Variants in FCGR3B observed in about 807,000 individuals in gnomAD.
FCGR3B encodes the protein Fc gamma receptor IIIb, also known as low affinity immunoglobulin gamma Fc region receptor III-B.
A neutral mutation model predicts 26.7 loss-of-function variants in FCGR3B; 20 were observed. The observed-to-expected ratio is 0.75, with a 90% CI of 0.53 to 1.09. The LOEUF (loss-of-function observed/expected upper bound fraction) is 1.09, where lower values mean the gene tolerates loss of function less well. Among genes scored for constraint, FCGR3B ranks in the 50% least tolerant of loss-of-function variants. The probability of loss-of-function intolerance (pLI) is 0.00; values close to 1 mark genes in which losing one functional copy is unlikely to be tolerated. For synonymous variants in FCGR3B, 79 were observed against 107.0 expected (o/e 0.74, Z 1.62); for missense variants, 191 against 279.7 (o/e 0.68, Z 2.26).
intron 3 of FCGR3B, among the ~76,000 whole-genome samples, chr1:161,628,542 G>T (rs1471891094): frequency 6.7e-6 from 1 of 148,922 alleles, no homozygotes; most frequent in Non-Finnish European, 1.5e-5. Context: ...TTGGTTGTAG[G>T]TGGACATCTC....
In FCGR3B at chr1:161,630,523, G is replaced by A; in HGVS notation, c.41-135C>T. 3 of 770,176 alleles carry A rather than the reference G, an allele frequency of 3.9e-6. No individual in the cohort carries two copies. In the South Asian group the frequency reaches 4.7e-5, roughly 12 times the overall value. The allele number at this position is 770,176 out of a possible 1,614,324, so 47.7% of individuals were successfully genotyped here. A position where few individuals can be genotyped will look rare whatever the true frequency, so the allele number is the denominator to read the frequency against. ...TTTTCCCAAGAATCAGGATGTTTCT[G>A]GTGGAAACCTTGCTACCTGCTCTCT... is the stretch of plus-strand genomic sequence containing the variant. On this transcript the variant is annotated intron_variant, in intron 1 of 4. Transcript: ENST00000650385.
In FCGR3B at chr1:161,623,299, G is replaced by T. The variant is rs3171055; in HGVS notation, c.*1216C>A. On this transcript the variant is annotated 3_prime_UTR_variant, in exon 5 of 5. Transcript: ENST00000650385. ...TATTGGAACCAAGAAATGTTGCACT[G>T]AAAGCTTACAAAACAGAGACAGCTA... The T allele has an allele frequency of 9.3e-5, 14 of 150,428 alleles. No individual in the cohort carries two copies. The highest frequency in any genetic ancestry group is 7.5e-4 in the East Asian group (4 of 5,300). 9.3% of individuals were successfully genotyped at this position (150,428 alleles called of 1,614,324 possible).
At chr1:161,627,567 C>T (rs1380208559) in intron 3 of FCGR3B, among the ~76,000 whole-genome samples, 1 of 150,448 alleles carries the variant, frequency 6.6e-6, no homozygotes, top group Non-Finnish European at 1.5e-5. Flanking sequence ...ATCTTCATTA[C>T]CTATTAAGAG....
intron 1 of FCGR3B, 48 bp downstream of exon 1, chr1:161,631,007 C>G (rs1336424067): frequency 6.4e-7 from 1 of 1,574,240 alleles, no homozygotes; most frequent in Non-Finnish European, 8.6e-7. Flanking sequence ...GTCTGATGAA[C>G]CCAAGGCATC....
chr1:161,627,589 C>A (rs1478222476), intron 3 of FCGR3B, among the ~76,000 whole-genome samples: 1 of 150,356 alleles, frequency 6.7e-6, no homozygotes, highest in Non-Finnish European at 1.5e-5. Context: ...TATCATTTAT[C>A]AAAAGAAGCC....
At position 161,623,217 on chromosome 1, in the gene FCGR3B, A is replaced by G. The variant is rs1436526577; in HGVS notation, c.*1298T>C. 6.7e-6 allele frequency: 1 copy of G among 149,604 alleles called. No homozygotes were observed. The highest frequency in any genetic ancestry group is 2.5e-5 in the African/African-American group (1 of 40,010). 9.3% of individuals were successfully genotyped at this position (149,604 alleles called of 1,614,324 possible). Reference sequence around the variant, plus strand: ...AGAATTTTATCATTCATATTTTATTACCATGGTTTTGCCATCTTCTATCTA... The same window carrying G: ...AGAATTTTATCATTCATATTTTATTGCCATGGTTTTGCCATCTTCTATCTA... On this transcript the variant is annotated 3_prime_UTR_variant, in exon 5 of 5. Transcript: ENST00000650385.
chr1:161,625,486 A>C (rs183511349), intron 4 of FCGR3B, among the ~76,000 whole-genome samples: 41 of 24,280 alleles, frequency 1.7e-3, no homozygotes, highest in Middle Eastern at 0.021. Context: ...CAACTTATTT[A>C]TTTATTTTTG....
chr1:161,631,522 C>T (rs1347404769), upstream of FCGR3B: 20 of 460,594 alleles, frequency 4.3e-5, 1 homozygote, highest in Non-Finnish European at 6.4e-5. Context: ...TGAGGGCTTC[C>T]TGCATTTCAC....
rs1292734575 is a variant in FCGR3B, at chr1:161,623,693, G to A, written c.*822C>T. 1 of 148,838 alleles carries A rather than the reference G, an allele frequency of 6.7e-6. No individual in the cohort carries two copies. Among genetic ancestry groups the A allele is most frequent in the Non-Finnish European group, 1.5e-5 (1 of 67,458 alleles). 9.2% of individuals were successfully genotyped at this position (148,838 alleles called of 1,614,324 possible). ...GCTTAACTTGAGACAGTGACACAGG[G>A]TTTGTTCTGTACTTTCTTTTCCACC... On this transcript the variant is annotated 3_prime_UTR_variant, in exon 5 of 5. Coordinates refer to ENST00000650385, the MANE Select transcript of FCGR3B (RefSeq NM_001244753.2).
At chr1:161,630,912 G>C (rs1679714973) in intron 1 of FCGR3B, 143 bp downstream of exon 1, 1 of 1,450,152 alleles carries the variant, frequency 6.9e-7, no homozygotes, top group African/African-American at 1.5e-5. Context: ...ATCTTGGCTT[G>C]TCCTGGTAGC....
upstream of FCGR3B, chr1:161,631,213 T>A (rs781461692): frequency 6.3e-7 from 1 of 1,586,638 alleles, no homozygotes; most frequent in Non-Finnish European, 8.6e-7. Flanking sequence ...CTCTGTCACC[T>A]GCCAGTTTCC....
chr1:161,624,114 A>G lies in FCGR3B; in HGVS notation c.*401T>C, dbSNP rs1679338581. The G allele has an allele frequency of 2.3e-5, 4 of 171,888 alleles. No homozygotes were observed. 10.6% of individuals were successfully genotyped at this position (171,888 alleles called of 1,614,324 possible). A position where few individuals can be genotyped will look rare whatever the true frequency, so the allele number is the denominator to read the frequency against. Reference sequence around the variant, plus strand: ...TTCCCTCTAAACTGGGTAATTTATAATACGAGCAATTTTTGTATGTTTAAA... The same window carrying G: ...TTCCCTCTAAACTGGGTAATTTATAGTACGAGCAATTTTTGTATGTTTAAA... On this transcript the variant is annotated 3_prime_UTR_variant, in exon 5 of 5. Coordinates refer to ENST00000650385, the MANE Select transcript of FCGR3B (RefSeq NM_001244753.2).
At chr1:161,631,933 G>A (rs1450872307), upstream of FCGR3B, 1 of 147,606 alleles carries the variant, frequency 6.8e-6, no homozygotes, top group Non-Finnish European at 1.5e-5. Flanking sequence ...GGCCCCTCCG[G>A]GCCACTGGAT....
rs1266919479 is a variant in FCGR3B at position 161,623,780 on chromosome 1, G to C, written c.*735C>G. 7.0e-6 allele frequency: 1 copy of C among 142,298 alleles called. No individual in the cohort carries two copies. Among genetic ancestry groups the C allele is most frequent in the Admixed American group, 7.1e-5 (1 of 13,994 alleles). The allele number at this position is 142,298 out of a possible 1,614,324, so 8.8% of individuals were successfully genotyped here. ...CCATTTTCTACTCCTAGCATTAGAG[G>C]ACTCATCGTTATATACTTGGAAATG... is the stretch of plus-strand genomic sequence containing the variant. On this transcript the variant is annotated 3_prime_UTR_variant, in exon 5 of 5. Coordinates refer to ENST00000650385, the MANE Select transcript of FCGR3B (RefSeq NM_001244753.2).
intron 3 of FCGR3B, among the ~76,000 whole-genome samples, chr1:161,629,406 G>A (rs1381284664): frequency 1.7e-5 from 1 of 60,022 alleles, no homozygotes; most frequent in Non-Finnish European, 3.2e-5. Flanking sequence ...TCCAGCCTGG[G>A]TGAGAGAGTG....
At position 161,624,424 on chromosome 1, in the gene FCGR3B, T is replaced by C. The variant is rs1049022758; in HGVS notation, c.*91A>G. ...AAATGTTCAGAGATGCTGCTGCCAC[T>C]GCTCTTATTACCCCCATGGGATGGG... On this transcript the variant is annotated 3_prime_UTR_variant, in exon 5 of 5. Transcript: ENST00000650385. 3.5e-6 allele frequency: 5 copies of C among 1,435,830 alleles called. No individual in the cohort carries two copies. In the African/African-American group the frequency reaches 4.4e-5, roughly 13 times the overall value. The allele number at this position is 1,435,830 out of a possible 1,614,324, so 88.9% of individuals were successfully genotyped here.
At chr1:161,624,694 T>C in intron 4 of FCGR3B, 55 bp from the exon 5 acceptor site, 2 of 1,523,962 alleles carry the variant, frequency 1.3e-6, no homozygotes, top group Non-Finnish European at 9.0e-7. Context: ...GGCAGATATT[T>C]GGAACAAACA....
In FCGR3B at chr1:161,626,751, G is replaced by A. The variant is rs192398359; in HGVS notation, c.320-349C>T. 4.8e-3 allele frequency among the ~76,000 whole-genome samples: 716 copies of A among 149,980 alleles called. 2 individuals carry two copies. Among genetic ancestry groups the A allele is most frequent in the Non-Finnish European group, 6.7e-3 (455 of 67,660 alleles). ...CTGTGGCAGGTGACAAGGATTCACA[G>A]TAAGTTCTAGATCAGAGTAAAAATT... is the stretch of plus-strand genomic sequence containing the variant. On this transcript the variant is annotated intron_variant, in intron 3 of 4. Coordinates refer to ENST00000650385, the MANE Select transcript of FCGR3B (RefSeq NM_001244753.2).
rs1276683152 is a variant in FCGR3B, at chr1:161,626,186, T to C, written c.536A>G (p.Lys179Arg). 4.3e-6 allele frequency: 7 copies of C among 1,609,528 alleles called. No homozygotes were observed. In the African/African-American group the frequency reaches 5.4e-5, roughly 13 times the overall value. The change falls in exon 4 of 5, where the codon AAA becomes AGA. Residue 179 changes from lysine (K) to arginine (R), a missense_variant. Transcript: ENST00000650385. The stretch of plus-strand genomic sequence containing the variant: ...GTTCACAGTCTCTGAAGACACATTT[T>C]TACTCCCAACAAGCCCCCTGCAGAA... ...SYFCRGLVGS[K>R]NVSSETVNIT...
Sources: allele counts gnomAD v4.1 joint callset (sites outside exome capture counted in the v4.1 genomes callset), GRCh38; gene constraint gnomAD v4.1.1; transcripts MANE v1.5; gene names NCBI Gene and HGNC (gene_info 2026-07-23, HGNC 2026-07-21).